The following CNTN4 variants were observed in gnomAD, a reference collection of about 807,000 sequenced individuals.
CNTN4 encodes the protein contactin-4.
In CNTN4, 77 loss-of-function variants were observed where a neutral mutation model predicts 122.5. The ratio of observed to expected loss-of-function variants is 0.63; its 90% confidence interval spans 0.52 to 0.76. The LOEUF is 0.76. Ranked by LOEUF, CNTN4 falls within the 30% of genes least tolerant of loss-of-function variation. The pLI, the probability that CNTN4 is intolerant of heterozygous loss-of-function variation, is 0.00. For missense variants in CNTN4, 1,256 were observed against 1,259.1 expected (o/e 1.00, Z 0.04); for synonymous variants, 512 against 447.0 (o/e 1.15, Z -1.83).
In CNTN4 at chr3:2,835,828, C is replaced by T. The variant is rs527773463; in HGVS notation, c.454+16247C>T. 2.0e-3 allele frequency among the ~76,000 whole-genome samples: 306 copies of T among 152,030 alleles called. 2 individuals carry two copies. Among genetic ancestry groups the T allele is most frequent in the Non-Finnish European group, 3.9e-3 (265 of 67,962 alleles). On this transcript the variant is annotated intron_variant, in intron 7 of 24. Transcript: ENST00000418658. ...GGAATCCTGGAAATCAAAATCAGTA[C>T]CTTAAGTATTCACCTCATGCAATTC...
chr3:2,150,890 T>A (rs2035466043), intron 2 of CNTN4, among the ~76,000 whole-genome samples: 1 of 152,076 alleles, frequency 6.6e-6, no homozygotes, highest in South Asian at 2.1e-4. Context: ...GAGGACAAAA[T>A]TTGTTGGCTT....
chr3:2,883,613 G>GTCC, intron 9 of CNTN4, among the ~76,000 whole-genome samples: 1 of 152,306 alleles, frequency 6.6e-6, no homozygotes, highest in East Asian at 1.9e-4. Flanking sequence ...GAAAAATACG[G>GTCC]ACTTTCATTT....
intron 4 of CNTN4, 91 bp from the exon 5 acceptor site, chr3:2,736,124 T>C (rs898788049): frequency 1.5e-5 from 20 of 1,319,188 alleles, no homozygotes; most frequent in Admixed American, 3.4e-5. Context: ...TGTTAATTTC[T>C]TTCTATTATT....
intron 6 of CNTN4, among the ~76,000 whole-genome samples, chr3:2,815,214 G>A (rs2092699866): frequency 6.6e-6 from 1 of 152,174 alleles, no homozygotes; most frequent in Admixed American, 6.5e-5. Context: ...AAAAGCAAAT[G>A]CAATAAAAGC....
chr3:2,863,320 A>T (rs565988835), intron 7 of CNTN4, among the ~76,000 whole-genome samples: 1 of 152,060 alleles, frequency 6.6e-6, no homozygotes, highest in Non-Finnish European at 1.5e-5. Flanking sequence ...ACCAGCCAAG[A>T]CTTTTCTGCT....
At chr3:2,929,658 T>C (rs1220345558) in intron 13 of CNTN4, among the ~76,000 whole-genome samples, 1 of 152,194 alleles carries the variant, frequency 6.6e-6, no homozygotes, top group Non-Finnish European at 1.5e-5. Context: ...TTGGCTGTTT[T>C]GGCTTCTTTT....
At chr3:2,869,830 A>G (rs1380495654) in intron 8 of CNTN4, among the ~76,000 whole-genome samples, 1 of 152,224 alleles carries the variant, frequency 6.6e-6, no homozygotes, top group African/African-American at 2.4e-5. Context: ...AATTCTTATC[A>G]GCTTAAAGAG....
chr3:2,115,240 G>C (rs1384182978), intron 2 of CNTN4, among the ~76,000 whole-genome samples: 1 of 152,196 alleles, frequency 6.6e-6, no homozygotes. Context: ...GTAGATGTAT[G>C]CTTTTTACTG....
chr3:2,741,112 C>G, intron 5 of CNTN4, among the ~76,000 whole-genome samples: 1 of 152,174 alleles, frequency 6.6e-6, no homozygotes, highest in South Asian at 2.1e-4. Context: ...CTCTATTAAG[C>G]AGCTGCAATG....
intron 4 of CNTN4, among the ~76,000 whole-genome samples, chr3:2,721,170 C>A (rs1056935441): frequency 1.3e-5 from 2 of 152,014 alleles, no homozygotes; most frequent in African/African-American, 4.8e-5. Flanking sequence ...TGAGGGTTCA[C>A]CATGTTGGCC....
intron 3 of CNTN4, among the ~76,000 whole-genome samples, chr3:2,541,843 C>T (rs1041137793): frequency 6.6e-6 from 1 of 152,010 alleles, no homozygotes; most frequent in Non-Finnish European, 1.5e-5. Context: ...AGTGGAGATG[C>T]CATCTTGACT....
intron 4 of CNTN4, among the ~76,000 whole-genome samples, chr3:2,641,152 C>T (rs989446023): frequency 2.0e-5 from 3 of 151,964 alleles, no homozygotes; most frequent in Admixed American, 6.6e-5. Flanking sequence ...AAGAAATGCA[C>T]CAAACGCATT....
In CNTN4 at chr3:2,207,053, A is replaced by G. The variant is rs74382440; in HGVS notation, c.-145+106414A>G. 4.9e-3 allele frequency among the ~76,000 whole-genome samples: 749 copies of G among 152,080 alleles called. 9 individuals carry two copies. Among genetic ancestry groups the G allele is most frequent in the African/African-American group, 0.017 (726 of 41,502 alleles). On this transcript the variant is annotated intron_variant, in intron 2 of 24. Transcript: ENST00000418658. ...TATTATATTGTTACAGTGATTTATG[A>G]TCAGTGAGCTTTCATGTTACTATTG...
At chr3:2,780,642 C>G (rs1018602645) in intron 6 of CNTN4, among the ~76,000 whole-genome samples, 2 of 152,174 alleles carry the variant, frequency 1.3e-5, no homozygotes, top group African/African-American at 4.8e-5. Flanking sequence ...ATCACGCTAG[C>G]CTACCTCACT....
chr3:2,922,317 C>A (rs572816954), intron 12 of CNTN4, among the ~76,000 whole-genome samples: 2 of 152,288 alleles, frequency 1.3e-5, no homozygotes, highest in South Asian at 4.1e-4. Flanking sequence ...AGGTCCCTTT[C>A]ACTTTTCCTT....
At chr3:2,392,901 C>T (rs116214921) in intron 3 of CNTN4, among the ~76,000 whole-genome samples, 209 of 152,220 alleles carry the variant, frequency 1.4e-3, no homozygotes, top group African/African-American at 4.7e-3. Context: ...ACTAAAACTT[C>T]GTACGTTTAC....
At chr3:2,260,903 A>G (rs1048576275) in intron 2 of CNTN4, among the ~76,000 whole-genome samples, 1 of 151,296 alleles carries the variant, frequency 6.6e-6, no homozygotes, top group East Asian at 2.0e-4. Context: ...AAATTTTTGC[A>G]TTTTTTAAGT....
chr3:2,840,423 C>T (rs4684359), intron 7 of CNTN4, among the ~76,000 whole-genome samples: 24,812 of 151,540 alleles, frequency 0.16, 3,197 homozygotes, highest in East Asian at 0.65. Context: ...AAGCTGGGGC[C>T]GGCGCGGTGG....
At chr3:2,148,278 A>C (rs2035338103) in intron 2 of CNTN4, among the ~76,000 whole-genome samples, 1 of 152,062 alleles carries the variant, frequency 6.6e-6, no homozygotes, top group Non-Finnish European at 1.5e-5. Flanking sequence ...TCCCTCCCAT[A>C]ATCTCAGCAC....
Sources: allele counts gnomAD v4.1 joint callset (sites outside exome capture counted in the v4.1 genomes callset), GRCh38; gene constraint gnomAD v4.1.1; transcripts MANE v1.5; gene names NCBI Gene and HGNC (gene_info 2026-07-23, HGNC 2026-07-21).